Variants in CELF2 observed in about 807,000 individuals in gnomAD.
CELF2 encodes CUG triplet repeat RNA-binding protein 2.
In CELF2, 8 loss-of-function variants were observed where a neutral mutation model predicts 62.6. The ratio of observed to expected loss-of-function variants is 0.13; its 90% CI spans 0.07 to 0.23. The LOEUF (loss-of-function observed/expected upper bound fraction) is 0.23, where lower values mean the gene tolerates loss of function less well. Among genes scored for constraint, CELF2 ranks in the 10% least tolerant of loss-of-function variants. The pLI is 1.00. For synonymous variants in CELF2, 258 were observed against 250.0 expected (o/e 1.03, Z -0.30); for missense variants, 333 against 671.0 (o/e 0.50, Z 5.56).
At chr10:11,101,019 G>T (rs2142519727) in intron 1 of CELF2, among the ~76,000 whole-genome samples, 1 of 152,296 alleles carries the variant, frequency 6.6e-6, no homozygotes, top group Non-Finnish European at 1.5e-5. Context: ...TTTCTAAAAT[G>T]CTTTGTTTCT....
At chr10:11,249,077 C>G in intron 3 of CELF2, 76 bp from the exon 4 acceptor site, 1 of 1,169,564 alleles carries the variant, frequency 8.6e-7, no homozygotes, top group East Asian at 2.3e-5. Flanking sequence ...TATCAGTAAT[C>G]GAATTGCTGC....
At chr10:11,172,890 A>G (rs1413364214) in intron 2 of CELF2, among the ~76,000 whole-genome samples, 1 of 152,216 alleles carries the variant, frequency 6.6e-6, no homozygotes, top group African/African-American at 2.4e-5. Context: ...AATAAAGAAA[A>G]CAGGCGCTGG....
the CELF2 span, among the ~76,000 whole-genome samples, chr10:10,645,334 T>C: frequency 6.6e-6 from 1 of 152,216 alleles, no homozygotes; most frequent in Non-Finnish European, 1.5e-5. Context: ...CATGATTTAC[T>C]TTTAAACCTT....
At chr10:11,283,889 G>T (rs2139364596) in intron 8 of CELF2, among the ~76,000 whole-genome samples, 1 of 145,928 alleles carries the variant, frequency 6.9e-6, no homozygotes, top group African/African-American at 2.5e-5. Flanking sequence ...GGAGGGGTGG[G>T]TGGATGATGG....
the CELF2 span, among the ~76,000 whole-genome samples, chr10:10,493,191 A>G: frequency 2.0e-5 from 3 of 152,154 alleles, no homozygotes; most frequent in African/African-American, 4.8e-5. Context: ...AATAACAAAT[A>G]CTGTACGATT....
At chr10:11,037,571 G>T (rs933613519) in intron 1 of CELF2, among the ~76,000 whole-genome samples, 1 of 152,110 alleles carries the variant, frequency 6.6e-6, no homozygotes, top group Non-Finnish European at 1.5e-5. Flanking sequence ...TTGGTGATGG[G>T]CACGTGCTGA....
At chr10:10,557,404 G>T in the CELF2 span, among the ~76,000 whole-genome samples, 9 of 149,416 alleles carry the variant, frequency 6.0e-5, no homozygotes, top group African/African-American at 2.3e-4. Context: ...TCTCTGTTTT[G>T]GTACCAGTAC....
At chr10:11,090,367 G>C in intron 1 of CELF2, among the ~76,000 whole-genome samples, 1 of 152,106 alleles carries the variant, frequency 6.6e-6, no homozygotes, top group Non-Finnish European at 1.5e-5. Context: ...TTGACCTTCA[G>C]AAAATATGAA....
At chr10:10,516,435 T>A in the CELF2 span, among the ~76,000 whole-genome samples, 1 of 152,232 alleles carries the variant, frequency 6.6e-6, no homozygotes, top group Non-Finnish European at 1.5e-5. Context: ...TGCTACTGTT[T>A]ATTTTAAGAA....
the CELF2 span, among the ~76,000 whole-genome samples, chr10:10,752,704 AAAAGAAAG>A: frequency 2.8e-5 from 4 of 144,884 alleles, no homozygotes; most frequent in African/African-American, 7.6e-5. Context: ...AAAAAAAAAA[AAAAGAAAG>A]AAAAAGAAAA....
chr10:10,568,561 A>T, the CELF2 span, among the ~76,000 whole-genome samples: 1 of 152,192 alleles, frequency 6.6e-6, no homozygotes, highest in African/African-American at 2.4e-5. Flanking sequence ...AGGAGCCAAG[A>T]TATAATGGAA....
At position 11,010,360 on chromosome 10, in the gene CELF2, C is replaced by T. The variant is rs1007852744; in HGVS notation, c.53+4920C>T. 6.6e-6 allele frequency among the ~76,000 whole-genome samples: 1 copy of T among 152,212 alleles called. No homozygotes were observed. The highest frequency in any genetic ancestry group is 2.4e-5 in the African/African-American group (1 of 41,454). On this transcript the variant is annotated intron_variant, in intron 1 of 12. Coordinates refer to the CELF2 transcript ENST00000416382. This position sits in a 1 kb window ranked among gnomAD's most constrained non-coding sequence, Gnocchi z 4.1. ...CAGGCCTTAGAAGTATCAGTGGAAA[C>T]CTCAGTGCTAAAAGAACAATCGAAT...
chr10:10,615,710 C>T, the CELF2 span, among the ~76,000 whole-genome samples: 1 of 152,118 alleles, frequency 6.6e-6, no homozygotes, highest in Non-Finnish European at 1.5e-5. Flanking sequence ...CTCTCTCTTC[C>T]TCCTGCTCCC....
intron 1 of CELF2, among the ~76,000 whole-genome samples, chr10:11,080,063 T>C (rs1489277880): frequency 6.6e-6 from 1 of 152,218 alleles, no homozygotes; most frequent in Non-Finnish European, 1.5e-5. Flanking sequence ...GTCATTAAGG[T>C]AGAGAGGAAA....
chr10:10,672,511 A>G, the CELF2 span, among the ~76,000 whole-genome samples: 3 of 146,716 alleles, frequency 2.0e-5, no homozygotes, highest in African/African-American at 5.1e-5. Flanking sequence ...TTTTAATTGC[A>G]TATGCATGTC....
At chr10:11,291,832 C>G (rs1231256384) in intron 9 of CELF2, among the ~76,000 whole-genome samples, 1 of 152,200 alleles carries the variant, frequency 6.6e-6, no homozygotes, top group Admixed American at 6.5e-5. Flanking sequence ...ATTCAGCTTG[C>G]AAATGAGTTA....
chr10:11,194,205 A>G (rs540712969), intron 2 of CELF2, among the ~76,000 whole-genome samples: 25 of 152,214 alleles, frequency 1.6e-4, no homozygotes, highest in South Asian at 8.3e-4. Context: ...AGCTGGGACT[A>G]CAGGCACACG....
the CELF2 span, among the ~76,000 whole-genome samples, chr10:10,753,610 T>A: frequency 5.6e-3 from 856 of 152,330 alleles, 7 homozygotes; most frequent in African/African-American, 0.019. Context: ...AGCTTTCTTC[T>A]TGGACAACTT....
intron 9 of CELF2, among the ~76,000 whole-genome samples, chr10:11,310,132 G>A (rs1428724409): frequency 6.6e-6 from 1 of 152,212 alleles, no homozygotes; most frequent in Non-Finnish European, 1.5e-5. Context: ...CCCTCCATGA[G>A]TAAAGGCTGG....
Sources: gnomAD v4.1 joint callset for allele counts (sites outside exome capture counted in the v4.1 genomes callset) on GRCh38, gnomAD v4.1.1 for gene constraint, Gnocchi (gnomAD v3.1) non-coding constraint, MANE v1.5 for transcripts, NCBI Gene and HGNC (gene_info 2026-07-23, HGNC 2026-07-21) for gene names.